Variants in P2RY6 observed in about 807,000 individuals in gnomAD.
P2RY6 encodes P2Y purinoceptor 6.
P2RY6 carries 19 observed loss-of-function variants against 16.3 expected under a neutral mutation model. The ratio of observed to expected loss-of-function variants is 1.16; its 90% CI spans 0.81 to 1.71. P2RY6 has a LOEUF of 1.71. P2RY6 is among the 40% of genes most tolerant of loss of function. The pLI, the probability that P2RY6 is intolerant of heterozygous loss-of-function variation, is 0.00. For missense variants in P2RY6, 389 were observed against 455.5 expected (o/e 0.85, Z 1.33); for synonymous variants, 184 against 201.5 (o/e 0.91, Z 0.74).
chr11:73,276,754 A>G (rs1192035038), intron 1 of P2RY6, among the ~76,000 whole-genome samples: 1 of 152,218 alleles, frequency 6.6e-6, no homozygotes. Flanking sequence ...ATTTCTTTCT[A>G]TGGTTATTAA....
chr11:73,296,062 C>T (rs1406657583), intron 2 of P2RY6, among the ~76,000 whole-genome samples: 1 of 151,872 alleles, frequency 6.6e-6, no homozygotes, highest in East Asian at 1.9e-4. Flanking sequence ...GCCGCATTCC[C>T]CCTTTTCTCG....
intron 1 of P2RY6, chr11:73,292,734 G>A (rs1365169125): frequency 2.2e-6 from 2 of 929,580 alleles, no homozygotes; most frequent in Non-Finnish European, 2.6e-6. Flanking sequence ...ATGGCAGGGA[G>A]CCGGTGGCCC....
At chr11:73,266,566 C>T (rs1440029770) in intron 1 of P2RY6, among the ~76,000 whole-genome samples, 2 of 152,032 alleles carry the variant, frequency 1.3e-5, no homozygotes, top group Non-Finnish European at 2.9e-5. Flanking sequence ...GGAGGCTCCC[C>T]GCAGGCTGAG....
At chr11:73,290,685 C>T (rs1591690588) in intron 1 of P2RY6, among the ~76,000 whole-genome samples, 1 of 152,280 alleles carries the variant, frequency 6.6e-6, no homozygotes, top group East Asian at 1.9e-4. Context: ...GTCCAGGTCC[C>T]TCTGGCCCTT....
At chr11:73,294,569 C>G (rs1864399112) in intron 1 of P2RY6, among the ~76,000 whole-genome samples, 1 of 152,184 alleles carries the variant, frequency 6.6e-6, no homozygotes, top group Non-Finnish European at 1.5e-5. Context: ...CCCAGCACCC[C>G]TAGCATATGG....
At chr11:73,264,722 C>G (rs941881532) in intron 1 of P2RY6, 3 of 152,408 alleles carry the variant, frequency 2.0e-5, no homozygotes, top group Admixed American at 6.5e-5. Flanking sequence ...CCTGCCCACT[C>G]CAGGGTCGCG....
At chr11:73,277,891 C>T (rs894071867) in intron 1 of P2RY6, among the ~76,000 whole-genome samples, 1 of 152,236 alleles carries the variant, frequency 6.6e-6, no homozygotes, top group African/African-American at 2.4e-5. Flanking sequence ...GGCAGTCTGT[C>T]TCTGCTCACA....
chr11:73,272,635 C>A (rs1284849975), intron 1 of P2RY6, among the ~76,000 whole-genome samples, 169 bp downstream of exon 1: 4 of 152,214 alleles, frequency 2.6e-5, no homozygotes, highest in Non-Finnish European at 4.4e-5. Flanking sequence ...ATGCCTGGAG[C>A]CTGCAGACTG....
intron 2 of P2RY6, among the ~76,000 whole-genome samples, chr11:73,296,251 TATATATAA>T (rs1263441975): frequency 6.9e-6 from 1 of 145,356 alleles, no homozygotes; most frequent in African/African-American, 2.5e-5. Context: ...TATATATATA[TATATATAA>T]TATATAAACA....
At chr11:73,267,485 G>A (rs2135677004), upstream of P2RY6, among the ~76,000 whole-genome samples, 1 of 152,206 alleles carries the variant, frequency 6.6e-6, no homozygotes, top group Non-Finnish European at 1.5e-5. Context: ...GGAGTCACTG[G>A]GCACCTTGCA....
rs754709234 is a variant in P2RY6, at chr11:73,297,063, C to T, written c.545C>T (p.Pro182Leu). Residue 182 changes from proline to leucine, a missense_variant, in exon 3 of 3, where the codon CCG (proline) becomes CTG (leucine). Transcript: ENST00000540124. ...RNRTVCYDLSPPALATHYMPY... is the reference protein window; with the variant it reads ...RNRTVCYDLSLPALATHYMPY... ...CGCACTGTCTGCTATGACCTCAGCC[C>T]GCCTGCCCTGGCCACCCACTATATG... 41 of 1,601,494 alleles carry T rather than the reference C, an allele frequency of 2.6e-5. No homozygotes were observed. In the South Asian group the frequency reaches 3.0e-4, roughly 12 times the overall value.
intron 1 of P2RY6, among the ~76,000 whole-genome samples, chr11:73,280,748 C>G (rs12801084): frequency 0.14 from 20,629 of 152,074 alleles, 1,463 homozygotes; most frequent in Non-Finnish European, 0.16. Context: ...TGACGAGGGG[C>G]AAAAGAAGAG....
Position 73,296,604 on chromosome 11 carries a change from T to C in P2RY6, c.86T>C (p.Leu29Pro), listed in dbSNP as rs1338867500. The change falls in exon 3 of 3, where the codon CTG becomes CCG. Residue 29 changes from leucine (L) to proline (P), a missense_variant. Transcript: ENST00000540124. ...CGCGAGAACTTCAAGCAACTGCTGC[T>C]GCCACCTGTGTATTCGGCGGTGCTG... ...VYRENFKQLLLPPVYSAVLAA... is the reference protein window; with the variant it reads ...VYRENFKQLLPPPVYSAVLAA... The C allele has an allele frequency of 6.2e-7, 1 of 1,614,256 alleles. No homozygotes were observed. Among genetic ancestry groups the C allele is most frequent in the Admixed American group, 1.7e-5 (1 of 60,036 alleles).
chr11:73,288,633 G>T (rs894299275), intron 1 of P2RY6, among the ~76,000 whole-genome samples: 2 of 152,232 alleles, frequency 1.3e-5, no homozygotes, highest in African/African-American at 4.8e-5. Flanking sequence ...CTGGCCTCAG[G>T]TGGGCTCCAG....
At chr11:73,296,378 G>T in intron 2 of P2RY6, 107 bp from the exon 3 acceptor site, 1 of 990,508 alleles carries the variant, frequency 1.0e-6, no homozygotes. Flanking sequence ...AGTTGACAAA[G>T]TTAGTGCCCT....
chr11:73,280,398 C>A (rs940724679), intron 1 of P2RY6, among the ~76,000 whole-genome samples: 1 of 152,208 alleles, frequency 6.6e-6, no homozygotes, highest in South Asian at 2.1e-4. Context: ...TTAGTTTGGG[C>A]CTCTTTTCAA....
chr11:73,295,108 C>T (rs1459718984), intron 1 of P2RY6, among the ~76,000 whole-genome samples: 2 of 152,134 alleles, frequency 1.3e-5, no homozygotes, highest in Non-Finnish European at 2.9e-5. Context: ...ATTTAAGTTG[C>T]AAATTTTCTC....
In P2RY6 at chr11:73,297,308, G is replaced by C. The variant is rs1203632528; in HGVS notation, c.790G>C (p.Ala264Pro). 42 of 1,609,552 alleles carry C rather than the reference G, an allele frequency of 2.6e-5. No individual in the cohort carries two copies. The highest frequency in any genetic ancestry group is 3.2e-5 in the Non-Finnish European group (38 of 1,178,654). The part of the protein sequence containing the change: ...PFHITKTAYL[A>P]VRSTPGVPCT... ...TCACATCACCAAGACAGCCTACCTG[G>C]CAGTGCGCTCGACGCCGGGCGTCCC... Residue 264 changes from alanine (A) to proline (P), a missense_variant, in exon 3 of 3, where the codon GCA (alanine) becomes CCA (proline). Ala to Pro is a conservative substitution (Grantham distance 27). Transcript: ENST00000540124.
chr11:73,296,234 AT>A (rs57880794), intron 2 of P2RY6, among the ~76,000 whole-genome samples: 4,186 of 98,680 alleles, frequency 0.042, 116 homozygotes, highest in African/African-American at 0.11. Flanking sequence ...AAAAAAAAAA[AT>A]ATATATATAT....
Sources: allele counts gnomAD v4.1 joint callset (sites outside exome capture counted in the v4.1 genomes callset), GRCh38; gene constraint gnomAD v4.1.1; transcripts MANE v1.5; gene names NCBI Gene and HGNC (gene_info 2026-07-23, HGNC 2026-07-21).